The following CMSS1 variants were observed in gnomAD, a reference collection of about 807,000 sequenced individuals.
The protein encoded by CMSS1 is protein CMSS1.
A neutral mutation model predicts 43.5 loss-of-function variants in CMSS1; 33 were observed. The observed-to-expected ratio is 0.76, with a 90% CI of 0.57 to 1.01. The LOEUF (loss-of-function observed/expected upper bound fraction) is 1.01. CMSS1 is among the 50% of genes least tolerant of loss of function. CMSS1 has a pLI of 0.00. For missense variants in CMSS1, 313 were observed against 326.4 expected, an observed-to-expected ratio of 0.96 and a Z score of 0.32; for synonymous variants, 115 against 117.2, an observed-to-expected ratio of 0.98 and a Z score of 0.12.
chr3:100,070,034 G>T (rs1007348808), intron 1 of CMSS1, among the ~76,000 whole-genome samples: 2 of 151,946 alleles, frequency 1.3e-5, no homozygotes, highest in East Asian at 3.9e-4. Flanking sequence ...AAACTCATGC[G>T]TTAAAAATTA....
intron 1 of CMSS1, among the ~76,000 whole-genome samples, chr3:100,084,207 T>C (rs2065972073): frequency 6.6e-6 from 1 of 152,228 alleles, no homozygotes; most frequent in South Asian, 2.1e-4. Flanking sequence ...TGTTATTTCA[T>C]GTACATGTTT....
intron 1 of CMSS1, among the ~76,000 whole-genome samples, chr3:99,872,145 A>C (rs1944820633): frequency 6.6e-6 from 1 of 152,136 alleles, no homozygotes; most frequent in Non-Finnish European, 1.5e-5. Context: ...ACCTCTGCAT[A>C]GCTGTGTCTC....
In CMSS1 at chr3:100,153,201, ATGCTAAATTCCT is replaced by A. The variant is rs752606945; in HGVS notation, c.153+6144_153+6155del. On this transcript the variant is annotated intron_variant, in intron 2 of 9. Transcript: ENST00000421999. ...TTTCATGCCACCTGGGTCAATCACGATGCTAAATTCCTTGCCTCAGAGGCAACAACTGTTCCG... is the reference window on the plus strand; with the variant it reads ...TTTCATGCCACCTGGGTCAATCACGATGCCTCAGAGGCAACAACTGTTCCG... Among the ~76,000 whole-genome samples, 276 of 152,348 alleles carry A rather than the reference ATGCTAAATTCCT, an allele frequency of 1.8e-3. 3 individuals carry two copies. The highest frequency in any genetic ancestry group is 3.1e-3 in the Admixed American group (48 of 15,306).
intron 9 of CMSS1, 122 bp from the exon 10 acceptor site, chr3:100,178,183 C>T (rs2067163405): frequency 5.2e-6 from 3 of 575,546 alleles, no homozygotes; most frequent in South Asian, 2.4e-5. Context: ...AGGACTTTTG[C>T]ACTCTCTGAT....
At position 100,082,382 on chromosome 3, in the gene CMSS1, G is replaced by C. The variant is rs16841922; in HGVS notation, c.65-64591G>C. Among the ~76,000 whole-genome samples the C allele has an allele frequency of 6.5e-3, 986 of 152,316 alleles. 11 individuals carry two copies. Among genetic ancestry groups the C allele is most frequent in the African/African-American group, 0.022 (930 of 41,572 alleles). The stretch of plus-strand genomic sequence containing the variant: ...GAACTCCTCTGTACTGCTGGGGAGA[G>C]AGGTCAAAATTTTTTGTCATCACAG... On this transcript the variant is annotated intron_variant, in intron 1 of 9. Coordinates refer to ENST00000421999, the MANE Select transcript of CMSS1 (RefSeq NM_032359.4).
intron 1 of CMSS1, among the ~76,000 whole-genome samples, chr3:99,882,122 A>G (rs964849783): frequency 2.0e-5 from 3 of 152,218 alleles, no homozygotes; most frequent in Non-Finnish European, 2.9e-5. Context: ...AAACTTCAAG[A>G]CTCATTGAAA....
intron 1 of CMSS1, among the ~76,000 whole-genome samples, chr3:99,897,166 C>T (rs906755588): frequency 6.6e-6 from 1 of 152,080 alleles, no homozygotes; most frequent in Non-Finnish European, 1.5e-5. Context: ...CGAGACCAGC[C>T]TAGCCAACAT....
At chr3:100,102,471 T>G (rs952030592) in intron 1 of CMSS1, among the ~76,000 whole-genome samples, 1 of 152,236 alleles carries the variant, frequency 6.6e-6, no homozygotes, top group African/African-American at 2.4e-5. Context: ...CAGCGTGATT[T>G]CTGCTTCTCC....
rs9819861 is a variant in CMSS1, at chr3:99,989,049, C to T, written c.65-157924C>T. Among the ~76,000 whole-genome samples the T allele has an allele frequency of 5.0e-3, 761 of 152,302 alleles. 5 individuals carry two copies. Among genetic ancestry groups the T allele is most frequent in the African/African-American group, 0.017 (716 of 41,564 alleles). The stretch of plus-strand genomic sequence containing the variant: ...TAGGAATTATTTTTCTCAACAAATT[C>T]TTCCATCTCATAAACTTACTTAGCA... On this transcript the variant is annotated intron_variant, in intron 1 of 9. Coordinates refer to ENST00000421999, the MANE Select transcript of CMSS1 (RefSeq NM_032359.4).
chr3:100,035,914 G>A (rs2065099698), intron 1 of CMSS1, among the ~76,000 whole-genome samples: 2 of 152,100 alleles, frequency 1.3e-5, no homozygotes, highest in African/African-American at 2.4e-5. Context: ...TATGTGATTT[G>A]AACTTTGTTG....
At chr3:100,083,357 C>T (rs1300405708) in intron 1 of CMSS1, among the ~76,000 whole-genome samples, 1 of 152,228 alleles carries the variant, frequency 6.6e-6, no homozygotes, top group East Asian at 1.9e-4. Flanking sequence ...GGAACAGCAG[C>T]ATCAGCATTA....
intron 1 of CMSS1, among the ~76,000 whole-genome samples, chr3:100,050,028 A>T (rs951921001): frequency 3.9e-5 from 6 of 152,174 alleles, no homozygotes; most frequent in Admixed American, 2.0e-4. Context: ...GTTAATCACT[A>T]TTTAGCTCTA....
At chr3:99,905,569 A>G (rs1366960025) in intron 1 of CMSS1, among the ~76,000 whole-genome samples, 1 of 152,232 alleles carries the variant, frequency 6.6e-6, no homozygotes, top group African/African-American at 2.4e-5. Context: ...TTTTTACTAA[A>G]TGTGCACAAA....
At chr3:99,869,403 A>T (rs1434024752) in intron 1 of CMSS1, among the ~76,000 whole-genome samples, 1 of 152,230 alleles carries the variant, frequency 6.6e-6, no homozygotes, top group Non-Finnish European at 1.5e-5. Context: ...CAAGAATAAT[A>T]TGCGACTTCA....
At position 99,996,957 on chromosome 3, in the gene CMSS1, T is replaced by G. The variant is rs146582807; in HGVS notation, c.65-150016T>G. Among the ~76,000 whole-genome samples the G allele has an allele frequency of 7.8e-4, 119 of 152,138 alleles. 1 individual carries two copies. In the East Asian group the frequency reaches 0.02, roughly 25 times the overall value. ...AAAATTTTTTCGAAACAAATGAAAA[T>G]GAAAACACAACATGCCTTAACCTAT... On this transcript the variant is annotated intron_variant, in intron 1 of 9. Transcript: ENST00000421999.
chr3:99,986,018 G>A (rs549274702), intron 1 of CMSS1, among the ~76,000 whole-genome samples: 19 of 152,240 alleles, frequency 1.2e-4, no homozygotes, highest in Middle Eastern at 3.4e-3. Flanking sequence ...GATACAGTTT[G>A]CACGTGGACC....
chr3:99,837,424 G>C (rs962983471), intron 1 of CMSS1, among the ~76,000 whole-genome samples: 1 of 149,548 alleles, frequency 6.7e-6, no homozygotes, highest in Non-Finnish European at 1.5e-5. Flanking sequence ...GCTTTTTCTA[G>C]TTAAAGAGAA....
intron 1 of CMSS1, among the ~76,000 whole-genome samples, chr3:99,822,874 G>A (rs1942466062): frequency 1.3e-5 from 2 of 152,160 alleles, no homozygotes; most frequent in Admixed American, 6.5e-5. Flanking sequence ...GGTAGTTACT[G>A]TTGTTATCTT....
intron 1 of CMSS1, among the ~76,000 whole-genome samples, chr3:99,935,587 A>G (rs1707637808): frequency 6.6e-6 from 1 of 152,224 alleles, no homozygotes; most frequent in Non-Finnish European, 1.5e-5. Context: ...AACAAGGACC[A>G]AGGATTGTTT....
Sources: gnomAD v4.1 joint callset for allele counts (sites outside exome capture counted in the v4.1 genomes callset) on GRCh38, gnomAD v4.1.1 for gene constraint, MANE v1.5 for transcripts, NCBI Gene and HGNC (gene_info 2026-07-23, HGNC 2026-07-21) for gene names.